SCFD2: variants seen among roughly 807,000 people sequenced by gnomAD.
SCFD2 encodes the protein sec1 family domain containing 2.
In SCFD2, 54 loss-of-function variants were observed where a neutral mutation model predicts 58.9. That is an observed-to-expected ratio of 0.92 (90% CI 0.74 to 1.15). The LOEUF (loss-of-function observed/expected upper bound fraction) is 1.15, where lower values mean the gene tolerates loss of function less well. Among genes scored for constraint, SCFD2 ranks in the 50% most tolerant of loss-of-function variants. SCFD2 has a pLI of 0.00. For synonymous variants in SCFD2, 321 were observed against 335.9 expected (o/e 0.96, Z 0.49); for missense variants, 805 against 836.6 (o/e 0.96, Z 0.47).
At chr4:53,357,992 G>A (rs566977099) in intron 1 of SCFD2, among the ~76,000 whole-genome samples, 5 of 152,228 alleles carry the variant, frequency 3.3e-5, no homozygotes, top group Admixed American at 1.3e-4. Flanking sequence ...AGTTTCATCC[G>A]TAAAATTGGG....
chr4:52,955,954 C>G, intron 5 of SCFD2: 2 of 419,676 alleles, frequency 4.8e-6, no homozygotes, highest in South Asian at 3.5e-5. Flanking sequence ...TTACATTAAC[C>G]TGGTGTCCCA....
intron 3 of SCFD2, among the ~76,000 whole-genome samples, chr4:53,281,774 TC>T (rs1200981910): frequency 6.6e-6 from 1 of 152,260 alleles, no homozygotes; most frequent in African/African-American, 2.4e-5. Context: ...ATTTTAGCTT[TC>T]TTTTTTGTTC....
intron 5 of SCFD2, among the ~76,000 whole-genome samples, chr4:53,037,026 C>T (rs770420887): frequency 8.6e-5 from 13 of 151,980 alleles, no homozygotes; most frequent in East Asian, 1.9e-4. Flanking sequence ...CGAATTGTGG[C>T]GGTTACATGA....
intron 5 of SCFD2, among the ~76,000 whole-genome samples, chr4:53,084,116 T>A (rs2148860869): frequency 6.6e-6 from 1 of 152,250 alleles, no homozygotes; most frequent in East Asian, 1.9e-4. Context: ...TTCCCCACCC[T>A]AGTAAGCCTG....
intron 4 of SCFD2, among the ~76,000 whole-genome samples, chr4:53,213,743 T>C (rs922873873): frequency 1.3e-5 from 2 of 152,114 alleles, no homozygotes; most frequent in Admixed American, 1.3e-4. Context: ...GCCAAGTTGA[T>C]GTGCTGCATC....
chr4:53,187,668 TTA>T (rs1406664762), intron 4 of SCFD2, among the ~76,000 whole-genome samples: 1 of 152,046 alleles, frequency 6.6e-6, no homozygotes, highest in Non-Finnish European at 1.5e-5. Context: ...TAACAGCTTA[TTA>T]TATGGTCCCA....
intron 2 of SCFD2, among the ~76,000 whole-genome samples, chr4:53,327,612 G>A (rs115269133): frequency 6.6e-6 from 1 of 152,152 alleles, no homozygotes; most frequent in African/African-American, 2.4e-5. Flanking sequence ...AGTGATGGAG[G>A]CAGCATCCAC....
intron 5 of SCFD2, among the ~76,000 whole-genome samples, chr4:53,091,366 T>TA (rs77318176): frequency 8.6e-4 from 126 of 145,840 alleles, no homozygotes; most frequent in East Asian, 4.6e-3. Flanking sequence ...GAAACTAGGT[T>TA]AAAAAAAAAA....
rs536439104 is a variant in SCFD2, at chr4:52,887,585, C to T, written c.1843-1719G>A. On this transcript the variant is annotated intron_variant, in intron 7 of 8. Transcript: ENST00000401642. ...AAAATCAGTCACCAGAAGGGTGGAG[C>T]GGGACAGGGAGGCCCAGCCAGAATG... Among the ~76,000 whole-genome samples the T allele has an allele frequency of 1.3e-4, 20 of 152,216 alleles. 1 individual carries two copies. In the South Asian group the frequency reaches 1.5e-3, roughly 11 times the overall value.
chr4:53,048,797 C>T (rs1055323823), intron 5 of SCFD2, among the ~76,000 whole-genome samples: 2 of 152,128 alleles, frequency 1.3e-5, no homozygotes, highest in Non-Finnish European at 2.9e-5. Context: ...CCTCCAACTC[C>T]CAGTGCCCCT....
chr4:52,887,285 C>A (rs2109449077), intron 7 of SCFD2, among the ~76,000 whole-genome samples: 1 of 152,276 alleles, frequency 6.6e-6, no homozygotes, highest in South Asian at 2.1e-4. Context: ...GCTGAGGGTC[C>A]ATGTTGCATG....
At chr4:53,152,377 A>T (rs1171710878) in intron 4 of SCFD2, among the ~76,000 whole-genome samples, 4 of 152,246 alleles carry the variant, frequency 2.6e-5, no homozygotes, top group Admixed American at 6.5e-5. Context: ...AAATTAAAAA[A>T]AGAACCTTCC....
chr4:52,884,022 C>A (rs950109684), intron 8 of SCFD2, among the ~76,000 whole-genome samples: 24 of 152,200 alleles, frequency 1.6e-4, no homozygotes, highest in Non-Finnish European at 4.4e-5. Flanking sequence ...TCCAACAACA[C>A]AGACTGTTCC....
At chr4:53,253,537 C>T (rs533079150) in intron 4 of SCFD2, among the ~76,000 whole-genome samples, 3 of 152,106 alleles carry the variant, frequency 2.0e-5, no homozygotes, top group Admixed American at 2.0e-4. Flanking sequence ...GGCACATATA[C>T]ACCATGGAAT....
At chr4:52,946,071 T>C (rs757195655) in intron 5 of SCFD2, among the ~76,000 whole-genome samples, 2 of 152,116 alleles carry the variant, frequency 1.3e-5, no homozygotes, top group Non-Finnish European at 2.9e-5. Flanking sequence ...AAAAATGAAA[T>C]AGGTTATTTG....
chr4:52,908,930 C>T (rs753583928), intron 6 of SCFD2, among the ~76,000 whole-genome samples: 6 of 152,154 alleles, frequency 3.9e-5, no homozygotes, highest in Admixed American at 6.5e-5. Flanking sequence ...TGAACAGAAA[C>T]ACCGGTCAGA....
chr4:53,032,743 A>G (rs1168556070), intron 5 of SCFD2, among the ~76,000 whole-genome samples: 1 of 152,248 alleles, frequency 6.6e-6, no homozygotes, highest in Non-Finnish European at 1.5e-5. Flanking sequence ...ATAACGGTAA[A>G]GGGATCAATG....
chr4:53,250,203 A>T (rs1033855966), intron 4 of SCFD2, among the ~76,000 whole-genome samples: 1 of 152,220 alleles, frequency 6.6e-6, no homozygotes, highest in Non-Finnish European at 1.5e-5. Context: ...AGAGACAAAG[A>T]AGGCCGTTAC....
chr4:53,144,276 A>G (rs1006013039), intron 5 of SCFD2, among the ~76,000 whole-genome samples: 14 of 151,414 alleles, frequency 9.2e-5, no homozygotes, highest in Admixed American at 6.6e-4. Context: ...GTGAGGCCCC[A>G]TCTCTATTTA....
Sources: gnomAD v4.1 joint callset for allele counts (sites outside exome capture counted in the v4.1 genomes callset) on GRCh38, gnomAD v4.1.1 for gene constraint, MANE v1.5 for transcripts, NCBI Gene and HGNC (gene_info 2026-07-23, HGNC 2026-07-21) for gene names.